Variants in GRID2 observed in about 807,000 individuals in gnomAD.
GRID2 encodes the protein glutamate ionotropic receptor delta type subunit 2.
GRID2 carries 33 observed loss-of-function variants against 114.8 expected under a neutral mutation model. The ratio of observed to expected loss-of-function variants is 0.29; its 90% confidence interval spans 0.22 to 0.38. The LOEUF is 0.38. Ranked by LOEUF, GRID2 falls within the 10% of genes least tolerant of loss-of-function variation. The pLI, the probability that GRID2 is intolerant of heterozygous loss-of-function variation, is 1.00. For missense variants in GRID2, 1,184 were observed against 1,257.7 expected (o/e 0.94, Z 0.89); for synonymous variants, 505 against 449.9 (o/e 1.12, Z -1.55).
At chr4:93,720,817 G>A (rs1213491191) in intron 14 of GRID2, among the ~76,000 whole-genome samples, 6 of 152,208 alleles carry the variant, frequency 3.9e-5, no homozygotes, top group African/African-American at 1.4e-4. Flanking sequence ...CTCTATGATG[G>A]GACTAATAGA....
In GRID2 at chr4:93,745,172, C is replaced by T. The variant is rs148649279; in HGVS notation, c.2361-24038C>T. The stretch of plus-strand genomic sequence containing the variant: ...GTATGGCTGTAATTGTTATTGCTGT[C>T]ATCATCACCATTTTTTTCATGACCA... On this transcript the variant is annotated intron_variant, in intron 14 of 15. Transcript: ENST00000282020. Among the ~76,000 whole-genome samples, 693 of 152,186 alleles carry T rather than the reference C, an allele frequency of 4.6e-3. 6 individuals are homozygous for T. The highest frequency in any genetic ancestry group is 0.016 in the African/African-American group (652 of 41,500).
chr4:93,688,138 G>A (rs2110108613), intron 14 of GRID2, among the ~76,000 whole-genome samples: 2 of 151,758 alleles, frequency 1.3e-5, no homozygotes, highest in East Asian at 1.9e-4. Context: ...AGAATGAGGG[G>A]ATAGAGGCAG....
chr4:93,458,305 T>C (rs72668736), intron 11 of GRID2, among the ~76,000 whole-genome samples: 2,113 of 152,306 alleles, frequency 0.014, 17 homozygotes, highest in South Asian at 0.055. Flanking sequence ...AGGCTTGTCT[T>C]TGCCCTATGA....
At chr4:92,613,898 T>C in intron 2 of GRID2, among the ~76,000 whole-genome samples, 1 of 151,506 alleles carries the variant, frequency 6.6e-6, no homozygotes, top group East Asian at 1.9e-4. Flanking sequence ...TTTTTGTTTT[T>C]TAAACTTTTT....
At chr4:92,673,477 T>C (rs1302544463) in intron 2 of GRID2, among the ~76,000 whole-genome samples, 1 of 152,238 alleles carries the variant, frequency 6.6e-6, no homozygotes, top group Non-Finnish European at 1.5e-5. Context: ...TGCTCCTTCA[T>C]GAAGATCTGT....
chr4:92,397,610 T>A (rs1349863674), intron 1 of GRID2, among the ~76,000 whole-genome samples: 1 of 152,050 alleles, frequency 6.6e-6, no homozygotes, highest in Non-Finnish European at 1.5e-5. Context: ...ATAAAACAAC[T>A]ATGTTACTGT....
intron 1 of GRID2, among the ~76,000 whole-genome samples, chr4:92,483,371 A>G (rs1722710377): frequency 6.6e-6 from 1 of 152,068 alleles, no homozygotes; most frequent in Non-Finnish European, 1.5e-5. Context: ...AATAACCACA[A>G]TAACAATACA....
chr4:93,140,359 C>CCCGGTTTA (rs1560920779), intron 4 of GRID2, among the ~76,000 whole-genome samples: 1 of 151,958 alleles, frequency 6.6e-6, no homozygotes, highest in African/African-American at 2.4e-5. Context: ...GGGGTTTCAC[C>CCCGGTTTA]GTGTTAGCCC....
chr4:92,728,673 A>C (rs1174683689), intron 2 of GRID2, among the ~76,000 whole-genome samples: 1 of 151,812 alleles, frequency 6.6e-6, no homozygotes, highest in African/African-American at 2.4e-5. Context: ...TCCAGCCCAA[A>C]CTCAAGTGGA....
chr4:92,582,435 T>C (rs556127154), intron 1 of GRID2, among the ~76,000 whole-genome samples: 1 of 151,908 alleles, frequency 6.6e-6, no homozygotes, highest in East Asian at 1.9e-4. Context: ...AATTTACATC[T>C]TTATATATAT....
intron 13 of GRID2, among the ~76,000 whole-genome samples, chr4:93,551,762 A>T (rs572740781): frequency 1.3e-5 from 2 of 152,318 alleles, no homozygotes; most frequent in South Asian, 4.1e-4. Flanking sequence ...CAAAACTGCA[A>T]TTGCTTTTGC....
At chr4:93,557,955 C>G (rs540514395) in intron 13 of GRID2, among the ~76,000 whole-genome samples, 2 of 152,296 alleles carry the variant, frequency 1.3e-5, no homozygotes, top group East Asian at 3.9e-4. Flanking sequence ...TACACAACTA[C>G]ATGGAAATTG....
chr4:92,936,408 G>A (rs897016962), intron 2 of GRID2, among the ~76,000 whole-genome samples: 2 of 146,548 alleles, frequency 1.4e-5, no homozygotes, highest in African/African-American at 4.9e-5. Flanking sequence ...TGATAATAGA[G>A]TTAAGGGGTC....
chr4:93,349,857 C>T (rs1760619559), intron 8 of GRID2, among the ~76,000 whole-genome samples: 1 of 151,848 alleles, frequency 6.6e-6, no homozygotes, highest in African/African-American at 2.4e-5. Flanking sequence ...GATAAGTAGA[C>T]AAATATTATA....
intron 14 of GRID2, among the ~76,000 whole-genome samples, chr4:93,767,568 G>T (rs1170584434): frequency 6.6e-6 from 1 of 152,172 alleles, no homozygotes; most frequent in African/African-American, 2.4e-5. Flanking sequence ...GGGCACCAGA[G>T]CTGAGGCTGT....
intron 2 of GRID2, among the ~76,000 whole-genome samples, chr4:93,079,238 G>A (rs975100598): frequency 1.3e-5 from 2 of 151,680 alleles, no homozygotes; most frequent in African/African-American, 4.8e-5. Flanking sequence ...TACTTTCTAG[G>A]TTCTTCTCAG....
At chr4:92,867,587 T>A (rs2149442273) in intron 2 of GRID2, among the ~76,000 whole-genome samples, 1 of 152,234 alleles carries the variant, frequency 6.6e-6, no homozygotes, top group Non-Finnish European at 1.5e-5. Context: ...CTATTATTTT[T>A]TTTTTTTTTT....
intron 10 of GRID2, among the ~76,000 whole-genome samples, chr4:93,432,068 G>A (rs1030571654): frequency 6.6e-6 from 1 of 152,186 alleles, no homozygotes; most frequent in African/African-American, 2.4e-5. Flanking sequence ...CATGTATTAT[G>A]TAACAGTCTA....
At chr4:92,524,407 CTTT>C (rs869060153) in intron 1 of GRID2, among the ~76,000 whole-genome samples, 4 of 106,562 alleles carry the variant, frequency 3.8e-5, no homozygotes, top group African/African-American at 1.6e-4. Flanking sequence ...ATTTCCTTGT[CTTT>C]TTTTTTTTTT....
Sources: gnomAD v4.1 joint callset for allele counts (sites outside exome capture counted in the v4.1 genomes callset) on GRCh38, gnomAD v4.1.1 for gene constraint, MANE v1.5 for transcripts, NCBI Gene and HGNC (gene_info 2026-07-23, HGNC 2026-07-21) for gene names.